Variants in PRKD1 observed in about 807,000 individuals in gnomAD.
PRKD1 encodes the protein serine/threonine-protein kinase D1.
In PRKD1, 63 loss-of-function variants were observed where a neutral mutation model predicts 95.9. The ratio of observed to expected loss-of-function variants is 0.66; its 90% CI spans 0.54 to 0.81. The LOEUF (loss-of-function observed/expected upper bound fraction) is 0.81, where lower values mean the gene tolerates loss of function less well. PRKD1 is among the 30% of genes least tolerant of loss of function. The pLI is 0.00. For missense variants in PRKD1, 1,048 were observed against 1,165.3 expected (o/e 0.90, Z 1.47); for synonymous variants, 425 against 423.1 (o/e 1.00, Z -0.05).
intron 13 of PRKD1, among the ~76,000 whole-genome samples, chr14:29,618,805 C>T (rs1240162814): frequency 6.6e-6 from 1 of 150,702 alleles, no homozygotes; most frequent in Admixed American, 6.6e-5. Flanking sequence ...GAGAGCTGTA[C>T]CTTTTCTCAC....
At chr14:29,873,012 T>G (rs904973282) in intron 1 of PRKD1, among the ~76,000 whole-genome samples, 8 of 152,212 alleles carry the variant, frequency 5.3e-5, no homozygotes, top group South Asian at 2.1e-4. Context: ...AATGCATAAG[T>G]GAGGAGTACA....
intron 4 of PRKD1, among the ~76,000 whole-genome samples, chr14:29,654,076 A>G (rs919990976): frequency 6.6e-5 from 10 of 152,072 alleles, no homozygotes; most frequent in African/African-American, 9.7e-5. Context: ...ACACTTTTGA[A>G]TAACTATTTT....
At chr14:29,700,051 A>T (rs1235924786) in intron 2 of PRKD1, among the ~76,000 whole-genome samples, 3 of 151,842 alleles carry the variant, frequency 2.0e-5, no homozygotes, top group African/African-American at 7.3e-5. Context: ...AGGTTCAAAA[A>T]TTATCAAGAT....
At chr14:29,720,268 G>A (rs1366881419) in intron 2 of PRKD1, among the ~76,000 whole-genome samples, 8 of 152,090 alleles carry the variant, frequency 5.3e-5, no homozygotes, top group Non-Finnish European at 8.8e-5. Context: ...ATGAGGAAAC[G>A]TGGGCACAGA....
rs1341783745 is a variant in PRKD1 at position 29,824,926 on chromosome 14, TA to T, written c.265-99253del. 3.2e-4 allele frequency among the ~76,000 whole-genome samples: 48 copies of T among 152,250 alleles called. 1 individual carries two copies. The highest frequency in any genetic ancestry group is 3.1e-3 in the Admixed American group (48 of 15,272). The stretch of plus-strand genomic sequence containing the variant: ...CATATTCTTTCACTCAACTGGACAC[TA>T]ACTCAGTAGATACCTACTTGTCAGT... On this transcript the variant is annotated intron_variant, in intron 1 of 17. Transcript: ENST00000331968.
intron 16 of PRKD1, among the ~76,000 whole-genome samples, chr14:29,581,932 T>A (rs1420528936): frequency 6.6e-6 from 1 of 152,208 alleles, no homozygotes; most frequent in Non-Finnish European, 1.5e-5. Context: ...TATTAATTAT[T>A]CTTTGAGCAA....
At chr14:29,754,129 G>A (rs971747861) in intron 1 of PRKD1, among the ~76,000 whole-genome samples, 1 of 152,124 alleles carries the variant, frequency 6.6e-6, no homozygotes, top group Non-Finnish European at 1.5e-5. Context: ...CTTAACTGAT[G>A]AGAGATGACA....
intron 1 of PRKD1, among the ~76,000 whole-genome samples, chr14:29,840,161 A>T (rs1330829195): frequency 6.6e-6 from 1 of 152,192 alleles, no homozygotes; most frequent in Non-Finnish European, 1.5e-5. Flanking sequence ...CTTTAACAGC[A>T]TCAAAGTCAC....
intron 1 of PRKD1, among the ~76,000 whole-genome samples, chr14:29,812,453 A>C (rs1168509064): frequency 1.3e-5 from 2 of 152,206 alleles, no homozygotes; most frequent in Non-Finnish European, 2.9e-5. Context: ...GCGTTCAGTT[A>C]TCGTATTAGT....
intron 4 of PRKD1, among the ~76,000 whole-genome samples, chr14:29,662,318 CAAAG>C (rs1298330793): frequency 6.6e-6 from 1 of 152,102 alleles, no homozygotes; most frequent in Admixed American, 6.5e-5. Context: ...AATTCAAACT[CAAAG>C]AACTTCTGAG....
At chr14:29,666,307 C>T (rs1379521063) in intron 2 of PRKD1, 99 bp from the exon 3 acceptor site, 1 of 1,277,154 alleles carries the variant, frequency 7.8e-7, no homozygotes, top group South Asian at 2.1e-5. Flanking sequence ...GGATATAACT[C>T]CCTAGGCAAA....
At chr14:29,609,253 G>A (rs1878248684) in intron 13 of PRKD1, among the ~76,000 whole-genome samples, 1 of 152,106 alleles carries the variant, frequency 6.6e-6, no homozygotes, top group South Asian at 2.1e-4. Flanking sequence ...ATAGTAAGTT[G>A]AAGCATCTCC....
intron 1 of PRKD1, among the ~76,000 whole-genome samples, chr14:29,845,292 TAAATA>T (rs1406758746): frequency 6.6e-6 from 1 of 152,196 alleles, no homozygotes; most frequent in Admixed American, 6.5e-5. Context: ...AGAGGTTAAT[TAAATA>T]AATGTCTATT....
intron 1 of PRKD1, among the ~76,000 whole-genome samples, chr14:29,902,310 C>A (rs2139431486): frequency 6.6e-6 from 1 of 151,602 alleles, no homozygotes; most frequent in Admixed American, 6.6e-5. Context: ...GTCAAAATCT[C>A]TGATTCAAAA....
chr14:29,831,226 C>T (rs1241008323), intron 1 of PRKD1, among the ~76,000 whole-genome samples: 3 of 152,024 alleles, frequency 2.0e-5, no homozygotes, highest in Non-Finnish European at 4.4e-5. Flanking sequence ...GATGAGAAAA[C>T]GGAGGCAAAG....
chr14:29,671,128 AAGTTATTT>A (rs1381585026), intron 2 of PRKD1, among the ~76,000 whole-genome samples: 10 of 152,254 alleles, frequency 6.6e-5, no homozygotes, highest in Non-Finnish European at 1.2e-4. Flanking sequence ...AGTTTCTGGG[AAGTTATTT>A]CCTAAGTTTG....
chr14:29,786,770 T>C (rs1170374231), intron 1 of PRKD1, among the ~76,000 whole-genome samples: 2 of 152,104 alleles, frequency 1.3e-5, no homozygotes, highest in East Asian at 3.8e-4. Flanking sequence ...TTGATCTTTG[T>C]TTATCTTTTC....
intron 2 of PRKD1, among the ~76,000 whole-genome samples, chr14:29,700,432 T>C (rs1249958855): frequency 1.3e-5 from 2 of 152,198 alleles, no homozygotes; most frequent in Admixed American, 1.3e-4. Flanking sequence ...ATTTTTAAAA[T>C]GCTGCTGACA....
chr14:29,751,130 A>G (rs1390981398), intron 1 of PRKD1: 1 of 152,206 alleles, frequency 6.6e-6, no homozygotes, highest in Non-Finnish European at 1.5e-5. Context: ...CCTTGAGCTA[A>G]GTGACAGAAA....
Sources: gnomAD v4.1 joint callset for allele counts (sites outside exome capture counted in the v4.1 genomes callset) on GRCh38, gnomAD v4.1.1 for gene constraint, MANE v1.5 for transcripts, NCBI Gene and HGNC (gene_info 2026-07-23, HGNC 2026-07-21) for gene names.